The following SGCZ variants were observed in gnomAD, a reference collection of about 807,000 sequenced individuals.
SGCZ encodes sarcoglycan zeta, also known as zeta-sarcoglycan.
In SGCZ, 40 loss-of-function variants were observed where a neutral mutation model predicts 41.3. The observed-to-expected ratio is 0.97, with a 90% CI of 0.75 to 1.26. The LOEUF (loss-of-function observed/expected upper bound fraction) is 1.26. Ranked by LOEUF, SGCZ falls within the 50% of genes most tolerant of loss-of-function variation. The pLI is 0.00. For missense variants in SGCZ, 552 were observed against 369.8 expected (o/e 1.49, Z -4.04); for synonymous variants, 206 against 137.5 (o/e 1.50, Z -3.49).
At chr8:14,857,047 T>C (rs1563318924) in intron 1 of SGCZ, among the ~76,000 whole-genome samples, 2 of 152,130 alleles carry the variant, frequency 1.3e-5, no homozygotes, top group Non-Finnish European at 2.9e-5. Context: ...TTCTCATGAA[T>C]GGTTTAGCAC....
At chr8:14,694,536 C>G (rs1808897445) in intron 1 of SGCZ, among the ~76,000 whole-genome samples, 1 of 152,094 alleles carries the variant, frequency 6.6e-6, no homozygotes, top group Admixed American at 6.6e-5. Flanking sequence ...AAATTTGATC[C>G]TAGGACTCAA....
chr8:14,178,323 A>G (rs12680272), intron 4 of SGCZ, among the ~76,000 whole-genome samples: 47,186 of 152,080 alleles, frequency 0.31, 8,043 homozygotes, highest in East Asian at 0.7. Flanking sequence ...TTGAAGCTAA[A>G]GGAAATAAAA....
intron 2 of SGCZ, among the ~76,000 whole-genome samples, chr8:14,540,110 G>T (rs17119764): frequency 0.1 from 15,379 of 151,658 alleles, 977 homozygotes; most frequent in East Asian, 0.18. Context: ...TCCTGGCAGA[G>T]AAGGTCCTTT....
intron 1 of SGCZ, among the ~76,000 whole-genome samples, chr8:15,119,066 T>A (rs1461462638): frequency 2.6e-5 from 4 of 152,162 alleles, no homozygotes; most frequent in African/African-American, 9.7e-5. Context: ...AATTTGATAC[T>A]TTTTTCAGAG....
chr8:14,947,341 G>A (rs575493471), intron 1 of SGCZ, among the ~76,000 whole-genome samples: 187 of 152,336 alleles, frequency 1.2e-3, no homozygotes, highest in Non-Finnish European at 1.9e-3. Context: ...ACATCAAACA[G>A]TGAGATCGAT....
At chr8:14,396,808 G>A (rs1798932548) in intron 2 of SGCZ, among the ~76,000 whole-genome samples, 2 of 151,840 alleles carry the variant, frequency 1.3e-5, no homozygotes. Context: ...TTTCTCCTAT[G>A]CCCAGGTTAA....
chr8:14,462,597 G>T (rs764325845), intron 2 of SGCZ, among the ~76,000 whole-genome samples: 3 of 151,906 alleles, frequency 2.0e-5, no homozygotes, highest in Non-Finnish European at 4.4e-5. Context: ...ATTTTTGCCA[G>T]TACCACACTA....
intron 1 of SGCZ, among the ~76,000 whole-genome samples, chr8:14,767,523 G>C (rs1585243281): frequency 6.6e-6 from 1 of 152,212 alleles, no homozygotes; most frequent in Non-Finnish European, 1.5e-5. Flanking sequence ...ACCAAGGAAT[G>C]TGATGAGGAA....
At chr8:14,870,111 G>C (rs902507633) in intron 1 of SGCZ, among the ~76,000 whole-genome samples, 2 of 152,100 alleles carry the variant, frequency 1.3e-5, no homozygotes, top group African/African-American at 2.4e-5. Flanking sequence ...AAAAGAGCCA[G>C]TATAGCCAAA....
At chr8:14,216,411 G>A (rs746736433) in intron 4 of SGCZ, among the ~76,000 whole-genome samples, 8 of 146,984 alleles carry the variant, frequency 5.4e-5, no homozygotes, top group African/African-American at 2.0e-4. Flanking sequence ...TGAGGCCAGC[G>A]TTACTCGGAT....
intron 1 of SGCZ, among the ~76,000 whole-genome samples, chr8:14,668,450 T>C (rs771585115): frequency 3.3e-5 from 5 of 152,168 alleles, no homozygotes; most frequent in Non-Finnish European, 7.4e-5. Context: ...AAAGAAACAA[T>C]GGCATGATAA....
At chr8:14,320,195 A>G (rs1801869705) in intron 3 of SGCZ, among the ~76,000 whole-genome samples, 1 of 151,778 alleles carries the variant, frequency 6.6e-6, no homozygotes, top group African/African-American at 2.4e-5. Context: ...GTAAAAGCAT[A>G]AACTTTATCT....
At chr8:14,237,110 T>C (rs1190836934) in intron 4 of SGCZ, among the ~76,000 whole-genome samples, 1 of 152,214 alleles carries the variant, frequency 6.6e-6, no homozygotes, top group Admixed American at 6.5e-5. Context: ...TGTTATCTCA[T>C]GTTTCCTTAA....
At chr8:14,721,670 G>T (rs558185956) in intron 1 of SGCZ, among the ~76,000 whole-genome samples, 1 of 152,118 alleles carries the variant, frequency 6.6e-6, no homozygotes, top group Non-Finnish European at 1.5e-5. Context: ...CCCTATTTCT[G>T]TCCTTTTCCT....
chr8:14,562,587 G>A (rs894130757), intron 1 of SGCZ, among the ~76,000 whole-genome samples: 1 of 152,074 alleles, frequency 6.6e-6, no homozygotes, highest in African/African-American at 2.4e-5. Context: ...CCTGAGATGA[G>A]ACTAAAATGA....
chr8:15,148,618 C>T (rs535987723), intron 1 of SGCZ, among the ~76,000 whole-genome samples: 15 of 152,288 alleles, frequency 9.8e-5, no homozygotes, highest in South Asian at 6.2e-4. Flanking sequence ...CCTGAATTTA[C>T]GATATTGTTG....
chr8:14,988,469 T>C (rs1466367380), intron 1 of SGCZ, among the ~76,000 whole-genome samples: 2 of 152,090 alleles, frequency 1.3e-5, no homozygotes, highest in African/African-American at 4.8e-5. Context: ...CAAGCTTCTT[T>C]TATCTATATT....
chr8:14,154,724 T>G (rs937936643), intron 5 of SGCZ, among the ~76,000 whole-genome samples: 4 of 152,176 alleles, frequency 2.6e-5, no homozygotes, highest in African/African-American at 9.7e-5. Context: ...TTCAGAAAAT[T>G]TGGTACAGCT....
intron 1 of SGCZ, among the ~76,000 whole-genome samples, chr8:14,922,215 G>A (rs1024463017): frequency 4.6e-5 from 7 of 151,956 alleles, no homozygotes; most frequent in East Asian, 2.0e-4. Flanking sequence ...AAATGACTGC[G>A]TACGACTGTC....
Sources: gnomAD v4.1 joint callset for allele counts (sites outside exome capture counted in the v4.1 genomes callset) on GRCh38, gnomAD v4.1.1 for gene constraint, MANE v1.5 for transcripts, NCBI Gene and HGNC (gene_info 2026-07-23, HGNC 2026-07-21) for gene names.